The following PLIN4 variants were observed in gnomAD, a reference collection of about 807,000 sequenced individuals.
PLIN4 encodes perilipin-4.
In PLIN4, 57 loss-of-function variants were observed where a neutral mutation model predicts 52.4. The observed-to-expected ratio is 1.09, with a 90% confidence interval of 0.88 to 1.36. The LOEUF is 1.36. PLIN4 is among the 40% of genes most tolerant of loss of function. PLIN4 has a pLI of 0.00. For missense variants in PLIN4, 1,757 were observed against 1,770.3 expected (o/e 0.99, Z 0.13); for synonymous variants, 826 against 785.4 (o/e 1.05, Z -0.86).
At chr19:4,514,683 G>A (rs754227959) in intron 4 of PLIN4, among the ~76,000 whole-genome samples, 2 of 151,740 alleles carry the variant, frequency 1.3e-5, no homozygotes, top group African/African-American at 2.4e-5. Context: ...AGCCGAGATC[G>A]CGCCACTGCA....
intron 4 of PLIN4, among the ~76,000 whole-genome samples, chr19:4,515,267 T>G (rs114216955): frequency 0.037 from 5,584 of 151,786 alleles, 348 homozygotes; most frequent in African/African-American, 0.13. Context: ...AGGTGCTACT[T>G]TTTTTGTTTG....
chr19:4,515,269 TTTTG>T (rs1276967122), intron 4 of PLIN4, among the ~76,000 whole-genome samples: 9 of 151,956 alleles, frequency 5.9e-5, no homozygotes, highest in Non-Finnish European at 7.4e-5. Flanking sequence ...GTGCTACTTT[TTTTG>T]TTTGTTTGTT....
At chr19:4,505,609 CG>C (rs1241496368) in intron 6 of PLIN4, among the ~76,000 whole-genome samples, 1 of 152,156 alleles carries the variant, frequency 6.6e-6, no homozygotes, top group Non-Finnish European at 1.5e-5. Flanking sequence ...ACTCTGTCCT[CG>C]TTGTTGCTGT....
intron 6 of PLIN4, 94 bp downstream of exon 6, chr19:4,508,674 A>C (rs1976174115): frequency 7.6e-7 from 1 of 1,307,556 alleles, no homozygotes; most frequent in African/African-American, 1.5e-5. Context: ...ATCATCTCCT[A>C]GGTGCTCAGT....
chr19:4,509,203 C>T (rs4072833), intron 5 of PLIN4, among the ~76,000 whole-genome samples: 1 of 148,638 alleles, frequency 6.7e-6, no homozygotes, highest in South Asian at 2.1e-4. Context: ...CCCAGCTACT[C>T]GGGAGGCTGA....
Position 4,502,423 on chromosome 19 carries a change from G to A in PLIN4, c.*2036C>T, listed in dbSNP as rs114382380. 549 of 337,228 alleles carry A rather than the reference G, an allele frequency of 1.6e-3. 3 individuals carry two copies. Among genetic ancestry groups the A allele is most frequent in the African/African-American group, 0.011 (507 of 45,294 alleles). 20.9% of individuals were successfully genotyped at this position (337,228 alleles called of 1,614,324 possible). On this transcript the variant is annotated 3_prime_UTR_variant, in exon 8 of 8. Transcript: ENST00000301286. ...AGCAAGCTCTTCCCAGGAGACAAGA[G>A]GGACAAACCAGGGCATCTAAGCTGT...
At position 4,512,248 on chromosome 19, in the gene PLIN4, C is replaced by G. The variant is rs1318450393; in HGVS notation, c.1712G>C (p.Gly571Ala). 2.5e-6 allele frequency: 4 copies of G among 1,612,688 alleles called. No individual in the cohort carries two copies. The highest frequency in any genetic ancestry group is 3.4e-6 in the Non-Finnish European group (4 of 1,179,778). The change falls in exon 5 of 8, where the codon GGG becomes GCG. Residue 571 changes from glycine to alanine, a missense_variant. Physicochemically the swap from Gly to Ala is moderately conservative, Grantham distance 60. This residue lies in a region of PLIN4 where 439 missense variants were observed against 406.4 expected (regional missense o/e 1.08). Coordinates refer to ENST00000301286, the MANE Select transcript of PLIN4 (RefSeq NM_001367868.2). The part of the protein sequence containing the change: ...VIGTKDTMST[G>A]LTGAANVAKG... ...GGCCACATTCGCTGCCCCCGTGAGCCCAGTGGACATCGTGTCTTTTGTACC... is the reference window on the plus strand; with the variant it reads ...GGCCACATTCGCTGCCCCCGTGAGCGCAGTGGACATCGTGTCTTTTGTACC...
chr19:4,502,617 C>T lies in PLIN4; in HGVS notation c.*1842G>A, dbSNP rs887016783. 10 of 199,716 alleles carry T rather than the reference C, an allele frequency of 5.0e-5. No homozygotes were observed. The East Asian group carries it at 1.3e-3, about 26-fold the overall frequency. The allele number at this position is 199,716 out of a possible 1,614,324, so 12.4% of individuals were successfully genotyped here. ...GCCTTCCCTGAGAGCCGCTGCTAGC[C>T]GACAGTGGTCTCCAGCGTTCAGGGA... On this transcript the variant is annotated 3_prime_UTR_variant, in exon 8 of 8. Coordinates refer to ENST00000301286, the MANE Select transcript of PLIN4 (RefSeq NM_001367868.2).
At chr19:4,507,918 C>T (rs550931925) in intron 6 of PLIN4, among the ~76,000 whole-genome samples, 53 of 152,162 alleles carry the variant, frequency 3.5e-4, no homozygotes, top group Middle Eastern at 3.4e-3. Context: ...AGGAAGAGAG[C>T]GGGGCCAGTG....
Position 4,504,426 on chromosome 19 carries a change from G to T in PLIN4, c.*33C>A. On this transcript the variant is annotated 3_prime_UTR_variant, in exon 8 of 8. Coordinates refer to ENST00000301286, the MANE Select transcript of PLIN4 (RefSeq NM_001367868.2). ...GCAGCTCCTCCCTGGACAGAGCAGG[G>T]CGACCCCGCGCCGGGCCTGCAGGCT... 1 of 1,488,904 alleles carries T rather than the reference G, an allele frequency of 6.7e-7. No individual in the cohort carries two copies. Among genetic ancestry groups the T allele is most frequent in the Non-Finnish European group, 8.9e-7 (1 of 1,118,362 alleles). The allele number at this position is 1,488,904 out of a possible 1,614,324, so 92.2% of individuals were successfully genotyped here. A position where few individuals can be genotyped will look rare whatever the true frequency, so the allele number is the denominator to read the frequency against.
Position 4,505,002 on chromosome 19 carries a change from A to G in PLIN4, c.3703-55T>C, listed in dbSNP as rs544360030. 2.3e-4 allele frequency: 342 copies of G among 1,482,080 alleles called. 2 individuals are homozygous for G. The East Asian group carries it at 7.8e-3, about 34-fold the overall frequency. 91.8% of individuals were successfully genotyped at this position (1,482,080 alleles called of 1,614,324 possible). The stretch of plus-strand genomic sequence containing the variant: ...GGCTTCTTGGCAAATGACCTTTCAC[A>G]ACCCCCACCTCCCCCTCCCCCAGGG... On this transcript the variant is annotated intron_variant, in intron 6 of 7. Transcript: ENST00000301286.
rs765437785 is a variant in PLIN4, at chr19:4,513,584, C to T, written c.376G>A (p.Asp126Asn). 5 of 1,604,800 alleles carry T rather than the reference C, an allele frequency of 3.1e-6. No homozygotes were observed. Among genetic ancestry groups the T allele is most frequent in the Admixed American group, 1.7e-5 (1 of 58,314 alleles). The change falls in exon 5 of 8, where the codon GAC becomes AAC. Residue 126 changes from aspartate to asparagine, a missense_variant. Physicochemically the swap from Asp to Asn is conservative, Grantham distance 23. Transcript: ENST00000301286. ...CCCGTAAGTGCAGACCGAGTGGTGT[C>T]CAGGCCTCCCTGGACCACTCCCTTA... ...VAKGVVQGGL[D>N]TTRSALTGTK... is the part of the protein sequence containing the mutation.
chr19:4,508,807 G>A lies in PLIN4; in HGVS notation c.3663C>T (p.Ala1221=). The change falls in exon 6 of 8, where the codon GCC becomes GCT. Residue 1221 remains alanine (A), a synonymous_variant. Coordinates refer to ENST00000301286, the MANE Select transcript of PLIN4 (RefSeq NM_001367868.2). ...VSHLQHGQFQ[A]RDTLAQLQDC... is the part of the protein sequence containing the mutation. ...CCTGGAGCTGGGCCAGAGTGTCCCT[G>A]GCTTGGAACTGGCCGTGCTGCAGGT... is the stretch of plus-strand genomic sequence containing the variant. 1 of 1,598,892 alleles carries A rather than the reference G, an allele frequency of 6.3e-7. No individual in the cohort carries two copies. The highest frequency in any genetic ancestry group is 8.5e-7 in the Non-Finnish European group (1 of 1,173,252).
chr19:4,515,318 G>A (rs1467953742), intron 4 of PLIN4, among the ~76,000 whole-genome samples: 1 of 151,776 alleles, frequency 6.6e-6, no homozygotes, highest in Non-Finnish European at 1.5e-5. Flanking sequence ...CACCCAGACT[G>A]GAGTGCAGTG....
At chr19:4,505,982 C>T (rs1024273011) in intron 6 of PLIN4, among the ~76,000 whole-genome samples, 1 of 152,120 alleles carries the variant, frequency 6.6e-6, no homozygotes, top group Non-Finnish European at 1.5e-5. Context: ...GCAGCTCTGA[C>T]TTCGAAACAC....
rs1486765450 is a variant in PLIN4 at position 4,503,231 on chromosome 19, T to A, written c.*1228A>T. ...CCTGGGCTCGTGTCCTAGGAGAGCA[T>A]GGAAAGGGGACGACAAGGTTCTCTT... On this transcript the variant is annotated 3_prime_UTR_variant, in exon 8 of 8. Coordinates refer to ENST00000301286, the MANE Select transcript of PLIN4 (RefSeq NM_001367868.2). The A allele has an allele frequency of 6.6e-6, 1 of 152,282 alleles. No homozygotes were observed. Among genetic ancestry groups the A allele is most frequent in the Non-Finnish European group, 1.5e-5 (1 of 68,180 alleles). The allele number at this position is 152,282 out of a possible 1,614,324, so 9.4% of individuals were successfully genotyped here.
At position 4,510,923 on chromosome 19, in the gene PLIN4, G is replaced by C; in HGVS notation, c.3037C>G (p.Gln1013Glu). ...GAMSMAKGAVQGGLDTTKTVL... is the reference protein window; with the variant it reads ...GAMSMAKGAVEGGLDTTKTVL... ...GTCTTGGTGGTGTCCAGGCCCCCCT[G>C]GACGGCCCCTTTGGCCATGCTCATG... Residue 1013 changes from glutamine (Q) to glutamate (E), a missense_variant, in exon 5 of 8, where the codon CAG (glutamine) becomes GAG (glutamate). Gln to Glu is a conservative substitution (Grantham distance 29). Around this residue, in one of 7 missense-constraint regions of PLIN4, gnomAD observed 712 missense variants for 637.1 expected, o/e 1.12. Transcript: ENST00000301286. 6.2e-7 allele frequency: 1 copy of C among 1,613,648 alleles called. No homozygotes were observed.
chr19:4,502,690 A>G lies in PLIN4; in HGVS notation c.*1769T>C, dbSNP rs1975958429. The G allele has an allele frequency of 6.1e-6, 1 of 165,140 alleles. No homozygotes were observed. The allele number at this position is 165,140 out of a possible 1,614,324, so 10.2% of individuals were successfully genotyped here. A position where few individuals can be genotyped will look rare whatever the true frequency, so the allele number is the denominator to read the frequency against. ...TCGACTCACCCCAGCTGTGTCACCCACACACCGTGTGACTTTGGACAGGTT... is the reference window on the plus strand; with the variant it reads ...TCGACTCACCCCAGCTGTGTCACCCGCACACCGTGTGACTTTGGACAGGTT... On this transcript the variant is annotated 3_prime_UTR_variant, in exon 8 of 8. Coordinates refer to ENST00000301286, the MANE Select transcript of PLIN4 (RefSeq NM_001367868.2).
chr19:4,506,178 C>T (rs887085138), intron 6 of PLIN4, among the ~76,000 whole-genome samples: 2 of 152,206 alleles, frequency 1.3e-5, no homozygotes, highest in Non-Finnish European at 2.9e-5. Flanking sequence ...CAGAGCCCTC[C>T]AGGGCTCCCA....
Sources: gnomAD v4.1 joint callset for allele counts (sites outside exome capture counted in the v4.1 genomes callset) on GRCh38, gnomAD v4.1.1 for gene constraint, gnomAD v4.1.1 regional missense constraint, MANE v1.5 for transcripts, NCBI Gene and HGNC (gene_info 2026-07-23, HGNC 2026-07-21) for gene names.